COL28A1: variants seen among roughly 807,000 people sequenced by gnomAD.
COL28A1 encodes the protein collagen alpha-1(XXVIII) chain.
In COL28A1, 161 loss-of-function variants were observed where a neutral mutation model predicts 150.2. The observed-to-expected ratio is 1.07, with a 90% CI of 0.94 to 1.22. The LOEUF (loss-of-function observed/expected upper bound fraction) is 1.22. COL28A1 is among the 50% of genes most tolerant of loss of function. COL28A1 has a pLI of 0.00. For synonymous variants in COL28A1, 552 were observed against 469.7 expected, an observed-to-expected ratio of 1.18 and a Z score of -2.26; for missense variants, 1,617 against 1,388.3, an observed-to-expected ratio of 1.16 and a Z score of -2.62.
Position 7,477,305 on chromosome 7 carries a change from A to T in COL28A1, c.1165-125T>A, listed in dbSNP as rs1325222296. 5 of 664,836 alleles carry T rather than the reference A, an allele frequency of 7.5e-6. No individual in the cohort carries two copies. In the East Asian group the frequency reaches 1.3e-4, roughly 18 times the overall value. The allele number at this position is 664,836 out of a possible 1,614,324, so 41.2% of individuals were successfully genotyped here. On this transcript the variant is annotated intron_variant, in intron 13 of 34. Coordinates refer to ENST00000399429, the MANE Select transcript of COL28A1 (RefSeq NM_001037763.3). ...CAGTTTACATGCCAAAAAAAAATGG[A>T]TAGTTGGATCTGTACTAAACATGTA... is the stretch of plus-strand genomic sequence containing the variant.
the COL28A1 span, among the ~76,000 whole-genome samples, chr7:7,340,126 T>G: frequency 0.86 from 130,808 of 151,738 alleles, 56,570 homozygotes; most frequent in East Asian, 1. Context: ...GAGTAGCTGG[T>G]ATTACAGGTG....
intron 27 of COL28A1, among the ~76,000 whole-genome samples, chr7:7,388,383 T>G (rs1213173697): frequency 6.6e-6 from 1 of 152,074 alleles, no homozygotes; most frequent in Non-Finnish European, 1.5e-5. Flanking sequence ...TGGTGTATAT[T>G]GCCACTTTTC....
At chr7:7,405,081 G>C (rs1189430005) in intron 27 of COL28A1, among the ~76,000 whole-genome samples, 1 of 152,086 alleles carries the variant, frequency 6.6e-6, no homozygotes, top group African/African-American at 2.4e-5. Flanking sequence ...ATAAATTTCT[G>C]AAATAAAACT....
At chr7:7,398,454 G>A (rs2128297539) in intron 27 of COL28A1, among the ~76,000 whole-genome samples, 1 of 152,300 alleles carries the variant, frequency 6.6e-6, no homozygotes, top group African/African-American at 2.4e-5. Context: ...TAACTATGTT[G>A]ATTGCTTCAT....
chr7:7,489,893 C>G (rs974189632), intron 12 of COL28A1, among the ~76,000 whole-genome samples: 2 of 149,802 alleles, frequency 1.3e-5, no homozygotes, highest in Non-Finnish European at 3.0e-5. Context: ...GAAAACTTCT[C>G]CATAACTCTG....
rs201902159 is a variant in COL28A1 at position 7,450,789 on chromosome 7, A to AT, written c.1509+1529dup. On this transcript the variant is annotated intron_variant, in intron 18 of 34. Coordinates refer to ENST00000399429, the MANE Select transcript of COL28A1 (RefSeq NM_001037763.3). The stretch of plus-strand genomic sequence containing the variant: ...ACAAGCAATTTAAATATCCACCATC[A>AT]TGAAGATGAATAAATATAAAATGAG... Among the ~76,000 whole-genome samples, 937 of 152,316 alleles carry AT rather than the reference A, an allele frequency of 6.2e-3. 7 individuals carry two copies. The highest frequency in any genetic ancestry group is 0.022 in the East Asian group (114 of 5,186).
intron 7 of COL28A1, among the ~76,000 whole-genome samples, chr7:7,517,525 A>G (rs1235753657): frequency 6.6e-6 from 1 of 152,200 alleles, no homozygotes; most frequent in Non-Finnish European, 1.5e-5. Flanking sequence ...CAGTTTTCTC[A>G]TTGGAGCCTT....
At chr7:7,498,034 G>A (rs1248480087) in intron 11 of COL28A1, among the ~76,000 whole-genome samples, 2 of 151,950 alleles carry the variant, frequency 1.3e-5, no homozygotes, top group African/African-American at 2.4e-5. Context: ...ACAATGAATT[G>A]GTGAAGAATA....
chr7:7,397,739 T>C (rs1471542202), intron 27 of COL28A1, among the ~76,000 whole-genome samples: 2 of 152,198 alleles, frequency 1.3e-5, no homozygotes, highest in African/African-American at 2.4e-5. Context: ...AAATAAGGAA[T>C]GTTTAAGACA....
Position 7,456,059 on chromosome 7 carries a change from C to T in COL28A1, c.1356G>A (p.Gly452=), listed in dbSNP as rs1583417056. 1.2e-6 allele frequency: 2 copies of T among 1,613,930 alleles called. No homozygotes were observed. The highest frequency in any genetic ancestry group is 2.2e-5 in the East Asian group (1 of 44,856). Residue 452 remains glycine (G), a synonymous_variant, in exon 16 of 35, where the codon GGG becomes GGA. Transcript: ENST00000399429. ...CATTAATTACCTGTTCCCCTTGACT[C>T]CCGATTCCAGGGATACCCATTGGTC... ...PQGPMGIPGI[G]SQGEQGIQGP...
chr7:7,406,506 T>C (rs1783499808), intron 27 of COL28A1, among the ~76,000 whole-genome samples: 2 of 152,014 alleles, frequency 1.3e-5, no homozygotes, highest in South Asian at 4.1e-4. Context: ...AGGCAGATAA[T>C]CAACAAAGAA....
At chr7:7,531,963 A>G (rs1344782547) in intron 2 of COL28A1, 59 bp from the exon 3 acceptor site, 2 of 1,048,210 alleles carry the variant, frequency 1.9e-6, no homozygotes, top group Admixed American at 2.0e-5. Flanking sequence ...ACAAATTTGC[A>G]TACGGAAAGC....
chr7:7,463,850 A>G (rs1281026560), intron 15 of COL28A1, among the ~76,000 whole-genome samples: 1 of 152,236 alleles, frequency 6.6e-6, no homozygotes, highest in Non-Finnish European at 1.5e-5. Flanking sequence ...TAAATGGTTC[A>G]CTTAAAATAC....
intron 27 of COL28A1, among the ~76,000 whole-genome samples, chr7:7,410,009 C>T (rs1783694229): frequency 6.6e-6 from 1 of 152,152 alleles, no homozygotes; most frequent in African/African-American, 2.4e-5. Context: ...CCTACTATAT[C>T]CTCAGATTCT....
Position 7,380,709 on chromosome 7 carries a change from G to A in COL28A1, c.2287-14C>T. ...TCCTTGTAAACCCTACTTAGTGGAA[G>A]AAGAGTAAAAGTCAATATAGGTTGG... On this transcript the variant is annotated splice_polypyrimidine_tract_variant and intron_variant, in intron 29 of 34. Coordinates refer to ENST00000399429, the MANE Select transcript of COL28A1 (RefSeq NM_001037763.3). 1 of 1,613,530 alleles carries A rather than the reference G, an allele frequency of 6.2e-7. No individual in the cohort carries two copies. Among genetic ancestry groups the A allele is most frequent in the Non-Finnish European group, 8.5e-7 (1 of 1,179,504 alleles).
chr7:7,409,153 C>G (rs571603986), intron 27 of COL28A1, among the ~76,000 whole-genome samples: 4 of 152,236 alleles, frequency 2.6e-5, no homozygotes, highest in South Asian at 4.1e-4. Context: ...TACCTCTTAC[C>G]TTGCTAAAAG....
At chr7:7,402,950 G>C (rs562984613) in intron 27 of COL28A1, among the ~76,000 whole-genome samples, 4 of 152,314 alleles carry the variant, frequency 2.6e-5, no homozygotes, top group African/African-American at 7.2e-5. Flanking sequence ...GATAGCTACT[G>C]TGTATCCAGG....
chr7:7,460,989 G>T (rs1043250750), intron 15 of COL28A1, among the ~76,000 whole-genome samples: 6 of 152,194 alleles, frequency 3.9e-5, no homozygotes, highest in African/African-American at 1.4e-4. Flanking sequence ...TAGAACGACT[G>T]CAGGAATACA....
At chr7:7,386,580 T>C (rs1782197975) in intron 27 of COL28A1, among the ~76,000 whole-genome samples, 1 of 152,162 alleles carries the variant, frequency 6.6e-6, no homozygotes, top group African/African-American at 2.4e-5. Context: ...GGTGAGAATT[T>C]AGCTAAAATT....
Sources: gnomAD v4.1 joint callset for allele counts (sites outside exome capture counted in the v4.1 genomes callset) on GRCh38, gnomAD v4.1.1 for gene constraint, MANE v1.5 for transcripts, NCBI Gene and HGNC (gene_info 2026-07-23, HGNC 2026-07-21) for gene names.